The following RUVBL2 variants were observed in gnomAD, a reference collection of about 807,000 sequenced individuals.
RUVBL2 encodes RuvB like AAA ATPase 2, also known as ruvB-like 2.
Under a neutral mutation model 57.9 loss-of-function variants are expected in RUVBL2, and 9 were observed. The observed-to-expected ratio is 0.16, with a 90% CI of 0.09 to 0.27. The LOEUF (loss-of-function observed/expected upper bound fraction) is 0.27. RUVBL2 is among the 10% of genes least tolerant of loss of function. The probability of loss-of-function intolerance (pLI) is 1.00; values close to 1 mark genes in which losing one functional copy is unlikely to be tolerated. For missense variants in RUVBL2, 456 were observed against 669.6 expected (o/e 0.68, Z 3.52); for synonymous variants, 278 against 264.6 (o/e 1.05, Z -0.49).
At position 49,011,143 on chromosome 19, in the gene RUVBL2, G is replaced by A. The variant is rs377610764; in HGVS notation, c.883-49G>A. On this transcript the variant is annotated intron_variant, in intron 10 of 14. Transcript: ENST00000595090. The surrounding 1 kb of genome is among the most constrained non-coding windows in gnomAD (Gnocchi z 4.4). ...GCGGGTGGTGGGGTGGAGGTGGGCC[G>A]GGGAAGTGGGGACGCGGGTGGTGAC... 2.9e-4 allele frequency: 467 copies of A among 1,606,522 alleles called. No individual in the cohort carries two copies. Among genetic ancestry groups the A allele is most frequent in the Non-Finnish European group, 3.8e-4 (445 of 1,174,656 alleles).
intron 4 of RUVBL2, among the ~76,000 whole-genome samples, chr19:49,005,926 C>T (rs770952184): frequency 6.6e-6 from 1 of 152,256 alleles, no homozygotes; most frequent in Non-Finnish European, 1.5e-5. Flanking sequence ...AGGCGGGAGC[C>T]TGTAGACTTT....
chr19:49,014,894 C>T, intron 12 of RUVBL2, 127 bp from the exon 13 acceptor site: 1 of 1,333,290 alleles, frequency 7.5e-7, no homozygotes. Flanking sequence ...CCTCAGCATT[C>T]TATGGTTCTA....
chr19:49,004,236 G>A, intron 3 of RUVBL2, 41 bp from the exon 4 acceptor site: 1 of 1,602,946 alleles, frequency 6.2e-7, no homozygotes, highest in Non-Finnish European at 8.5e-7. Flanking sequence ...TGCCATGGTA[G>A]CCCCACAGGA....
In RUVBL2 at chr19:49,015,867, C is replaced by G; in HGVS notation, c.*25C>G. On this transcript the variant is annotated 3_prime_UTR_variant, in exon 15 of 15. Coordinates refer to ENST00000595090, the MANE Select transcript of RUVBL2 (RefSeq NM_006666.3). ...AGTTGGATGTCATCCCCCGACCCCACCCTGTTTTCCACCAGAGTTCTGACA... is the reference window on the plus strand; with the variant it reads ...AGTTGGATGTCATCCCCCGACCCCAGCCTGTTTTCCACCAGAGTTCTGACA... The G allele has an allele frequency of 6.2e-7, 1 of 1,614,186 alleles. No individual in the cohort carries two copies. Among genetic ancestry groups the G allele is most frequent in the Non-Finnish European group, 8.5e-7 (1 of 1,180,012 alleles).
At chr19:49,009,495 A>G (rs2039362001) in intron 6 of RUVBL2, among the ~76,000 whole-genome samples, 1 of 152,212 alleles carries the variant, frequency 6.6e-6, no homozygotes, top group Admixed American at 6.5e-5. Context: ...TCAAAAAAAA[A>G]AAGAACTTTA....
At chr19:49,015,333 T>C (rs2039524384) in intron 13 of RUVBL2, 183 bp downstream of exon 13, 1 of 793,864 alleles carries the variant, frequency 1.3e-6, no homozygotes, top group South Asian at 1.8e-5. Context: ...TAAATCTCTC[T>C]TGACTTAAGT....
At chr19:49,000,341 G>A (rs1421304237) in intron 2 of RUVBL2, among the ~76,000 whole-genome samples, 3 of 152,090 alleles carry the variant, frequency 2.0e-5, no homozygotes, top group Non-Finnish European at 2.9e-5. Flanking sequence ...GATCACCTGA[G>A]GTCAGGAATT....
rs2039504547 is a variant in RUVBL2 at position 49,014,608 on chromosome 19, G to A, written c.1121+5G>A. On this transcript the variant is annotated splice_donor_5th_base_variant and intron_variant, in intron 12 of 14. Transcript: ENST00000595090. ...GAAGCAGATCCTCCGCATCCGGTGCGGGCAGGACCAGGCCGTGCGCCTGAG... is the reference window on the plus strand; with the variant it reads ...GAAGCAGATCCTCCGCATCCGGTGCAGGCAGGACCAGGCCGTGCGCCTGAG... 4 of 1,613,784 alleles carry A rather than the reference G, an allele frequency of 2.5e-6. No homozygotes were observed. Among genetic ancestry groups the A allele is most frequent in the Non-Finnish European group, 3.4e-6 (4 of 1,179,946 alleles).
rs1377215275 is a variant in RUVBL2 at position 49,002,743 on chromosome 19, C to T, written c.68-536C>T. Among the ~76,000 whole-genome samples the T allele has an allele frequency of 2.6e-5, 4 of 152,112 alleles. No individual in the cohort carries two copies. The South Asian group carries it at 6.2e-4, about 24-fold the overall frequency. On this transcript the variant is annotated intron_variant, in intron 2 of 14. Transcript: ENST00000595090. ...GGGATTACAGTCATCTGCCACCATG[C>T]CCAGCTAATTTTTGTATTTTTAGTA... is the stretch of plus-strand genomic sequence containing the variant.
At chr19:49,001,503 A>G (rs2039181675) in intron 2 of RUVBL2, 1 of 150,726 alleles carries the variant, frequency 6.6e-6, no homozygotes, top group African/African-American at 2.4e-5. Flanking sequence ...AAGGATGAAG[A>G]GCCAAGCACC....
At chr19:49,015,278 A>T in intron 13 of RUVBL2, 128 bp downstream of exon 13, 1 of 1,346,272 alleles carries the variant, frequency 7.4e-7, no homozygotes. Context: ...TTCATCCCTC[A>T]GGTTGGCTTC....
chr19:49,010,657 A>G (rs2039401320), intron 9 of RUVBL2, 46 bp downstream of exon 9: 5 of 1,608,204 alleles, frequency 3.1e-6, no homozygotes, highest in African/African-American at 1.3e-5. Context: ...CCCCAGGCCT[A>G]GCAGCCTCCC....
At chr19:49,012,895 ACTCAATCAGTCCTCTGGC>A (rs2122651473) in intron 11 of RUVBL2, among the ~76,000 whole-genome samples, 1 of 142,734 alleles carries the variant, frequency 7.0e-6, no homozygotes, top group South Asian at 2.2e-4. Flanking sequence ...CACCCCTGGG[ACTCAATCAGTCCTCTGGC>A]CTCAGCCTCC....
rs1305359094 is a variant in RUVBL2, at chr19:49,015,055, G to A, written c.1156G>A (p.Ala386Thr). The stretch of plus-strand genomic sequence containing the variant: ...AGAAGATGTGGAGATGAGTGAGGAC[G>A]CCTACACGGTGCTGACCCGCATCGG... ...EEEDVEMSED[A>T]YTVLTRIGLE... The change falls in exon 13 of 15, where the codon GCC (alanine) becomes ACC (threonine). Residue 386 changes from alanine (A) to threonine (T), a missense_variant. This residue lies in a region of RUVBL2 where 130 missense variants were observed against 243.0 expected (regional missense o/e 0.53). Transcript: ENST00000595090. 1.2e-6 allele frequency: 2 copies of A among 1,607,630 alleles called. No individual in the cohort carries two copies. The highest frequency in any genetic ancestry group is 8.5e-7 in the Non-Finnish European group (1 of 1,177,164).
chr19:49,003,528 G>A (rs2039224266), intron 3 of RUVBL2, among the ~76,000 whole-genome samples, 194 bp downstream of exon 3: 1 of 152,142 alleles, frequency 6.6e-6, no homozygotes, highest in Non-Finnish European at 1.5e-5. Context: ...GCTCATGCCT[G>A]TAATCTCAGC....
chr19:49,006,601 T>A (rs2039285490), intron 4 of RUVBL2, among the ~76,000 whole-genome samples: 1 of 152,234 alleles, frequency 6.6e-6, no homozygotes, highest in South Asian at 2.1e-4. Context: ...AAGTGGTGGA[T>A]CTGGGATGGG....
intron 8 of RUVBL2, 21 bp from the exon 9 acceptor site, chr19:49,010,467 T>TGCCG: frequency 8.6e-6 from 12 of 1,401,186 alleles, no homozygotes; most frequent in South Asian, 1.2e-5. Flanking sequence ...CCGCCGTTCT[T>TGCCG]CCCCCACCCC....
intron 12 of RUVBL2, 94 bp from the exon 13 acceptor site, chr19:49,014,927 C>T (rs1402231443): frequency 3.4e-6 from 5 of 1,469,148 alleles, no homozygotes; most frequent in East Asian, 2.5e-5. Flanking sequence ...CACATATTCC[C>T]AGTGGGGAAG....
At position 49,007,335 on chromosome 19, in the gene RUVBL2, G is replaced by T; in HGVS notation, c.429G>T (p.Val143=). 1 of 1,614,064 alleles carries T rather than the reference G, an allele frequency of 6.2e-7. No individual in the cohort carries two copies. Among genetic ancestry groups the T allele is most frequent in the Non-Finnish European group, 8.5e-7 (1 of 1,179,992 alleles). The change falls in exon 6 of 15, where the codon GTG becomes GTT. Residue 143 remains valine, a synonymous_variant. Coordinates refer to ENST00000595090, the MANE Select transcript of RUVBL2 (RefSeq NM_006666.3). ...EETEIIEGEV[V]EIQIDRPATG... is the part of the protein sequence containing the mutation. ...CGGAGATCATCGAAGGGGAGGTGGTGGAGATCCAGATTGATCGACCAGCAA... is the reference window on the plus strand; with the variant it reads ...CGGAGATCATCGAAGGGGAGGTGGTTGAGATCCAGATTGATCGACCAGCAA...
Sources: gnomAD v4.1 joint callset for allele counts (sites outside exome capture counted in the v4.1 genomes callset) on GRCh38, gnomAD v4.1.1 for gene constraint, gnomAD v4.1.1 regional missense constraint, Gnocchi (gnomAD v3.1) non-coding constraint, MANE v1.5 for transcripts, NCBI Gene and HGNC (gene_info 2026-07-23, HGNC 2026-07-21) for gene names.